The following KSR2 variants were observed in gnomAD, a reference collection of about 807,000 sequenced individuals.
KSR2 encodes the protein kinase suppressor of ras 2.
Under a neutral mutation model 107.8 loss-of-function variants are expected in KSR2, and 25 were observed. The observed-to-expected ratio is 0.23, with a 90% CI of 0.17 to 0.32. KSR2 has a LOEUF of 0.32. Among genes scored for constraint, KSR2 ranks in the 10% least tolerant of loss-of-function variants. The pLI is 1.00. For synonymous variants in KSR2, 480 were observed against 507.0 expected (o/e 0.95, Z 0.71); for missense variants, 887 against 1,268.9 (o/e 0.70, Z 4.57).
intron 4 of KSR2, among the ~76,000 whole-genome samples, chr12:117,681,225 G>A (rs1346965156): frequency 2.0e-5 from 3 of 152,208 alleles, no homozygotes. Context: ...AGTCAAGATT[G>A]TGCCACTGCA....
intron 7 of KSR2, among the ~76,000 whole-genome samples, chr12:117,574,890 G>A (rs1423840732): frequency 9.1e-6 from 1 of 109,638 alleles, no homozygotes; most frequent in African/African-American, 4.5e-5. Flanking sequence ...TTTGCTCTGG[G>A]TGAAAAAAAA....
intron 3 of KSR2, among the ~76,000 whole-genome samples, chr12:117,799,517 A>C (rs12301551): frequency 0.016 from 2,487 of 152,206 alleles, 58 homozygotes; most frequent in African/African-American, 0.051. Context: ...AAAAGAAAAA[A>C]AAAGGTCAGA....
chr12:117,628,196 T>C (rs1186895078), intron 5 of KSR2, among the ~76,000 whole-genome samples: 1 of 152,204 alleles, frequency 6.6e-6, no homozygotes, highest in African/African-American at 2.4e-5. Context: ...AGCCTACTTC[T>C]GTTAACTCGT....
intron 3 of KSR2, among the ~76,000 whole-genome samples, chr12:117,776,249 C>A (rs769514071): frequency 6.6e-6 from 1 of 152,090 alleles, no homozygotes; most frequent in Non-Finnish European, 1.5e-5. Flanking sequence ...AAACCTGGGA[C>A]TCAGCTGCTT....
intron 3 of KSR2, among the ~76,000 whole-genome samples, chr12:117,807,058 C>G (rs1010476129): frequency 6.6e-6 from 1 of 152,228 alleles, no homozygotes; most frequent in Non-Finnish European, 1.5e-5. Flanking sequence ...GCTGGAGCAG[C>G]TGTGACACTT....
At chr12:117,639,718 A>C (rs190905647) in intron 5 of KSR2, among the ~76,000 whole-genome samples, 2 of 151,552 alleles carry the variant, frequency 1.3e-5, no homozygotes, top group Admixed American at 1.3e-4. Context: ...ACAATACTTG[A>C]GGTGGGAGAT....
Position 117,569,140 on chromosome 12 carries a change from C to T in KSR2, c.1325+9979G>A, listed in dbSNP as rs527568604. Among the ~76,000 whole-genome samples, 10 of 152,120 alleles carry T rather than the reference C, an allele frequency of 6.6e-5. No homozygotes were observed. In the South Asian group the frequency reaches 1.9e-3, roughly 28 times the overall value. On this transcript the variant is annotated intron_variant, in intron 7 of 19. Transcript: ENST00000339824. Reference sequence around the variant, plus strand: ...ATCTCCTCATCACCTGTGGCTGCAGCGATTTTGCAAAAAAATTGGACATTT... The same window carrying T: ...ATCTCCTCATCACCTGTGGCTGCAGTGATTTTGCAAAAAAATTGGACATTT...
chr12:117,495,497 A>AT (rs1872971289), intron 14 of KSR2, among the ~76,000 whole-genome samples: 1 of 152,232 alleles, frequency 6.6e-6, no homozygotes, highest in Non-Finnish European at 1.5e-5. Flanking sequence ...ATAGAGTTCC[A>AT]TTAAGTAAGG....
At chr12:117,789,759 G>C (rs1241559793) in intron 3 of KSR2, among the ~76,000 whole-genome samples, 1 of 152,132 alleles carries the variant, frequency 6.6e-6, no homozygotes, top group Non-Finnish European at 1.5e-5. Context: ...ATTCTATTTA[G>C]TTGCACAAAG....
At chr12:117,610,797 C>A (rs534000327) in intron 5 of KSR2, among the ~76,000 whole-genome samples, 7 of 150,700 alleles carry the variant, frequency 4.6e-5, no homozygotes, top group African/African-American at 1.7e-4. Context: ...CGCAGTATTC[C>A]GAATACATGT....
intron 1 of KSR2, among the ~76,000 whole-genome samples, chr12:117,955,855 T>G (rs368131944): frequency 7.0e-6 from 1 of 143,810 alleles, no homozygotes; most frequent in African/African-American, 2.6e-5. Flanking sequence ...CCTCAGGGGG[T>G]AAAAAAAAAA....
intron 7 of KSR2, among the ~76,000 whole-genome samples, chr12:117,562,274 G>T (rs1286431384): frequency 2.7e-5 from 4 of 150,406 alleles, no homozygotes; most frequent in African/African-American, 4.9e-5. Flanking sequence ...AGGGGAGGGG[G>T]TGGGGACCCC....
At chr12:117,927,772 T>C (rs7136762) in intron 1 of KSR2, among the ~76,000 whole-genome samples, 125,582 of 152,164 alleles carry the variant, frequency 0.83, 51,999 homozygotes, top group South Asian at 0.93. Flanking sequence ...GTCATCAATG[T>C]GTACTCGTAT....
At chr12:117,881,341 C>G (rs1218837212) in intron 1 of KSR2, among the ~76,000 whole-genome samples, 1 of 152,118 alleles carries the variant, frequency 6.6e-6, no homozygotes, top group Non-Finnish European at 1.5e-5. Flanking sequence ...GAGGAAGAGA[C>G]AGAAACACTA....
At chr12:117,596,160 A>G (rs1037912801) in intron 5 of KSR2, among the ~76,000 whole-genome samples, 8 of 151,996 alleles carry the variant, frequency 5.3e-5, no homozygotes, top group East Asian at 1.9e-4. Context: ...ACAGTTCCAC[A>G]TGGCTGGGGA....
At chr12:117,775,208 G>T (rs1281759336) in intron 3 of KSR2, among the ~76,000 whole-genome samples, 1 of 152,108 alleles carries the variant, frequency 6.6e-6, no homozygotes, top group Non-Finnish European at 1.5e-5. Flanking sequence ...TAACTCTGTG[G>T]TTAACCTTCT....
intron 4 of KSR2, among the ~76,000 whole-genome samples, chr12:117,675,158 C>T (rs1885066171): frequency 6.6e-6 from 1 of 152,210 alleles, no homozygotes; most frequent in African/African-American, 2.4e-5. Flanking sequence ...TGGAATTCTG[C>T]ATTTACTTAT....
intron 1 of KSR2, among the ~76,000 whole-genome samples, chr12:117,955,806 T>C (rs1023518598): frequency 2.0e-5 from 3 of 150,550 alleles, no homozygotes; most frequent in African/African-American, 7.3e-5. Context: ...CATAGCAATA[T>C]ACAGTGAGCC....
intron 10 of KSR2, among the ~76,000 whole-genome samples, chr12:117,534,984 C>T (rs1875933352): frequency 6.6e-6 from 1 of 152,278 alleles, no homozygotes; most frequent in African/African-American, 2.4e-5. Flanking sequence ...CCGTTTTGGA[C>T]ATCTGGCCTC....
Sources: allele counts gnomAD v4.1 joint callset (sites outside exome capture counted in the v4.1 genomes callset), GRCh38; gene constraint gnomAD v4.1.1; transcripts MANE v1.5; gene names NCBI Gene and HGNC (gene_info 2026-07-23, HGNC 2026-07-21).